Variants in HSP90AA1 observed in about 807,000 individuals in gnomAD.
The protein encoded by HSP90AA1 is heat shock protein HSP 90-alpha.
HSP90AA1 carries 18 observed loss-of-function variants against 73.3 expected under a neutral mutation model. The ratio of observed to expected loss-of-function variants is 0.25; its 90% CI spans 0.17 to 0.36. HSP90AA1 has a LOEUF of 0.36. Ranked by LOEUF, HSP90AA1 falls within the 10% of genes least tolerant of loss-of-function variation. The pLI is 1.00. For synonymous variants in HSP90AA1, 477 were observed against 296.9 expected (o/e 1.61, Z -6.24); for missense variants, 704 against 874.2 (o/e 0.81, Z 2.45).
At chr14:102,113,294 G>A (rs2049664598) in intron 1 of HSP90AA1, among the ~76,000 whole-genome samples, 1 of 152,032 alleles carries the variant, frequency 6.6e-6, no homozygotes. Flanking sequence ...AAAGTACTGG[G>A]ATTACAGGTG....
chr14:102,111,902 C>T (rs1313393857), intron 1 of HSP90AA1, among the ~76,000 whole-genome samples: 1 of 152,178 alleles, frequency 6.6e-6, no homozygotes, highest in African/African-American at 2.4e-5. Context: ...ACAAGTCAAG[C>T]TATTCTGATT....
At chr14:102,111,222 GC>G (rs1286939681) in intron 1 of HSP90AA1, among the ~76,000 whole-genome samples, 1 of 152,204 alleles carries the variant, frequency 6.6e-6, no homozygotes, top group Non-Finnish European at 1.5e-5. Context: ...CTTCACGGCA[GC>G]CCCTCCCATC....
chr14:102,137,153 T>C (rs1489520074), intron 1 of HSP90AA1, among the ~76,000 whole-genome samples: 1 of 150,732 alleles, frequency 6.6e-6, no homozygotes, highest in South Asian at 2.1e-4. Context: ...GGCGGAGAGC[T>C]GAGACTGTGC....
intron 1 of HSP90AA1, among the ~76,000 whole-genome samples, chr14:102,103,281 T>C (rs2049520189): frequency 6.7e-6 from 1 of 150,126 alleles, no homozygotes; most frequent in Non-Finnish European, 1.5e-5. Flanking sequence ...ATGATCATGA[T>C]TCACTGCAGC....
At chr14:102,090,499 G>T (rs1261884308), upstream of HSP90AA1, among the ~76,000 whole-genome samples, 1 of 151,288 alleles carries the variant, frequency 6.6e-6, no homozygotes, top group Non-Finnish European at 1.5e-5. Context: ...GCCCAGGCTG[G>T]AGTGCAGTGG....
intron 1 of HSP90AA1, among the ~76,000 whole-genome samples, chr14:102,117,418 A>G (rs1403244615): frequency 6.6e-6 from 1 of 152,090 alleles, no homozygotes; most frequent in Non-Finnish European, 1.5e-5. Flanking sequence ...GAGGCCCATA[A>G]AAGCCCAGGA....
intron 10 of HSP90AA1, 137 bp downstream of exon 10, chr14:102,081,974 T>C (rs1566717332): frequency 1.3e-6 from 1 of 777,564 alleles, no homozygotes; most frequent in Non-Finnish European, 2.3e-6. Context: ...TACTTATCCC[T>C]AAAAAAAACA....
At chr14:102,139,504 C>A in exon 1 of HSP90AA1, 1 of 1,308,226 alleles carries the variant, frequency 7.6e-7, no homozygotes, top group Non-Finnish European at 1.0e-6. Flanking sequence ...CCCCTCAGGG[C>A]AGGGCGGGAG....
Position 102,082,456 on chromosome 14 carries a change from A to C in HSP90AA1, c.1756-12T>G. On this transcript the variant is annotated splice_polypyrimidine_tract_variant and intron_variant, in intron 9 of 10. Transcript: ENST00000216281. ...TTTGACACAACCACCTGTAATCAAA[A>C]AGTGATGACTAGGAACCTAGAAAGA... 1 of 1,597,564 alleles carries C rather than the reference A, an allele frequency of 6.3e-7. No individual in the cohort carries two copies. Among genetic ancestry groups the C allele is most frequent in the Middle Eastern group, 1.7e-4 (1 of 6,034 alleles).
intron 1 of HSP90AA1, among the ~76,000 whole-genome samples, chr14:102,126,425 A>G (rs2049839305): frequency 6.6e-6 from 1 of 152,222 alleles, no homozygotes; most frequent in Non-Finnish European, 1.5e-5. Flanking sequence ...TGTGCTTAGC[A>G]ATATCTTAGG....
chr14:102,138,577 A>T (rs1304382503), intron 1 of HSP90AA1, among the ~76,000 whole-genome samples: 1 of 152,076 alleles, frequency 6.6e-6, no homozygotes, highest in Non-Finnish European at 1.5e-5. Context: ...TCATTGGCAC[A>T]GTTTCTATTG....
chr14:102,114,121 C>T (rs1030338113), intron 1 of HSP90AA1, among the ~76,000 whole-genome samples: 4 of 152,130 alleles, frequency 2.6e-5, no homozygotes, highest in Non-Finnish European at 5.9e-5. Context: ...ATCCGAGTAG[C>T]TGGGACTACA....
At chr14:102,090,606 C>A (rs962053885), upstream of HSP90AA1, among the ~76,000 whole-genome samples, 32 of 152,268 alleles carry the variant, frequency 2.1e-4, no homozygotes, top group African/African-American at 7.5e-4. Flanking sequence ...CCCGCCACCA[C>A]ACCTGGCTAA....
chr14:102,120,141 G>T (rs2049757577), intron 1 of HSP90AA1, among the ~76,000 whole-genome samples: 1 of 151,938 alleles, frequency 6.6e-6, no homozygotes, highest in Non-Finnish European at 1.5e-5. Context: ...AAGCAGGAGG[G>T]TTGCTTGAAC....
At chr14:102,088,933 C>T (rs184008070), upstream of HSP90AA1, among the ~76,000 whole-genome samples, 5 of 146,872 alleles carry the variant, frequency 3.4e-5, no homozygotes, top group Non-Finnish European at 4.5e-5. Flanking sequence ...TAGACAAAGT[C>T]TCACTCTTGG....
At chr14:102,124,137 T>G (rs759185525) in intron 1 of HSP90AA1, among the ~76,000 whole-genome samples, 2 of 152,114 alleles carry the variant, frequency 1.3e-5, no homozygotes, top group African/African-American at 2.4e-5. Flanking sequence ...TATACTTAAA[T>G]TAGTTACTAT....
At chr14:102,106,647 G>A (rs2049572323) in intron 1 of HSP90AA1, among the ~76,000 whole-genome samples, 1 of 147,264 alleles carries the variant, frequency 6.8e-6, no homozygotes, top group South Asian at 2.1e-4. Flanking sequence ...AGGTTCAAGC[G>A]ATTCTCCTCC....
At chr14:102,094,286 A>G (rs2049396534) in intron 2 of HSP90AA1, among the ~76,000 whole-genome samples, 1 of 152,242 alleles carries the variant, frequency 6.6e-6, no homozygotes, top group African/African-American at 2.4e-5. Context: ...GATAAGCCAG[A>G]AATGGAGCCT....
upstream of HSP90AA1, among the ~76,000 whole-genome samples, chr14:102,090,575 T>G (rs543571078): frequency 6.6e-6 from 1 of 152,132 alleles, no homozygotes; most frequent in Non-Finnish European, 1.5e-5. Flanking sequence ...TCAGCCTCCC[T>G]AGTAGCTGGG....
Sources: gnomAD v4.1 joint callset for allele counts (sites outside exome capture counted in the v4.1 genomes callset) on GRCh38, gnomAD v4.1.1 for gene constraint, MANE v1.5 for transcripts, NCBI Gene and HGNC (gene_info 2026-07-23, HGNC 2026-07-21) for gene names.